The following KMO variants were observed in gnomAD, a reference collection of about 807,000 sequenced individuals.
The protein encoded by KMO is kynurenine 3-monooxygenase.
Under a neutral mutation model 57.8 loss-of-function variants are expected in KMO, and 24 were observed. The observed-to-expected ratio is 0.42, with a 90% CI of 0.30 to 0.58. The LOEUF is 0.58. Among genes scored for constraint, KMO ranks in the 20% least tolerant of loss-of-function variants. The probability of loss-of-function intolerance (pLI) is 0.22; values close to 1 mark genes in which losing one functional copy is unlikely to be tolerated. For synonymous variants in KMO, 210 were observed against 193.6 expected, an observed-to-expected ratio of 1.08 and a Z score of -0.70; for missense variants, 483 against 588.2, an observed-to-expected ratio of 0.82 and a Z score of 1.85.
intron 3 of KMO, 85 bp downstream of exon 3, chr1:241,549,859 T>A: frequency 1.3e-6 from 1 of 791,916 alleles, no homozygotes; most frequent in Non-Finnish European, 2.1e-6. Flanking sequence ...GCTTAAAAAG[T>A]ACCATTTAAT....
intron 4 of KMO, among the ~76,000 whole-genome samples, chr1:241,554,627 C>T (rs72766093): frequency 0.2 from 29,365 of 149,746 alleles, 3,138 homozygotes; most frequent in Middle Eastern, 0.26. Context: ...TTTTACAATA[C>T]GTTTAAGAGT....
intron 1 of KMO, among the ~76,000 whole-genome samples, chr1:241,543,037 ATATTTATACGAGATC>A (rs1661013029): frequency 6.6e-6 from 1 of 152,190 alleles, no homozygotes; most frequent in Non-Finnish European, 1.5e-5. Flanking sequence ...AATTGCGGTC[ATATTTATACGAGATC>A]TATTTCCTTA....
chr1:241,538,947 A>T (rs1482176046), intron 1 of KMO, among the ~76,000 whole-genome samples: 2 of 152,174 alleles, frequency 1.3e-5, no homozygotes, highest in Non-Finnish European at 2.9e-5. Context: ...CCTTCTGTCC[A>T]TATTCACTCA....
rs751749041 is a variant in KMO, at chr1:241,594,480, C to T, written c.*2327C>T. 6.2e-7 allele frequency: 1 copy of T among 1,614,000 alleles called. No individual in the cohort carries two copies. The highest frequency in any genetic ancestry group is 1.7e-5 in the Admixed American group (1 of 59,992). ...AACTTTGGACCCATTGGTTTTGTCG[C>T]TGTCGTCAACTGACAGTGATTCATC... On this transcript the variant is annotated 3_prime_UTR_variant, in exon 15 of 15. Coordinates refer to ENST00000366559, the MANE Select transcript of KMO (RefSeq NM_003679.5).
At chr1:241,560,569 C>A in intron 5 of KMO, 96 bp from the exon 6 acceptor site, 1 of 858,346 alleles carries the variant, frequency 1.2e-6, no homozygotes, top group Non-Finnish European at 2.0e-6. Context: ...AATTCTCTAC[C>A]ATACTGTTCC....
At position 241,568,868 on chromosome 1, in the gene KMO, G is replaced by A. The variant is rs143398525; in HGVS notation, c.957+221G>A. On this transcript the variant is annotated intron_variant, in intron 10 of 14. Coordinates refer to ENST00000366559, the MANE Select transcript of KMO (RefSeq NM_003679.5). Reference sequence around the variant, plus strand: ...AGTAGAAAAAAGCAGAAAGCATAGCGCACTCATCCCTTGGTATCACCAAGG... The same window carrying A: ...AGTAGAAAAAAGCAGAAAGCATAGCACACTCATCCCTTGGTATCACCAAGG... Among the ~76,000 whole-genome samples, 36 of 152,074 alleles carry A rather than the reference G, an allele frequency of 2.4e-4. No individual in the cohort carries two copies. In the East Asian group the frequency reaches 6.0e-3, roughly 25 times the overall value.
chr1:241,559,400 T>G (rs1361334467), intron 5 of KMO, among the ~76,000 whole-genome samples: 5 of 152,046 alleles, frequency 3.3e-5, no homozygotes, highest in Non-Finnish European at 7.4e-5. Flanking sequence ...TACAAAAAAT[T>G]ATTTAGGATG....
intron 4 of KMO, 92 bp downstream of exon 4, chr1:241,551,136 C>CCTAT: frequency 1.4e-6 from 1 of 731,590 alleles, no homozygotes; most frequent in Non-Finnish European, 2.4e-6. Flanking sequence ...TCTCTCCAGC[C>CCTAT]CTATCTCTGA....
intron 8 of KMO, among the ~76,000 whole-genome samples, chr1:241,565,991 G>A (rs1415897390): frequency 6.6e-6 from 1 of 152,124 alleles, no homozygotes; most frequent in African/African-American, 2.4e-5. Flanking sequence ...GATCACCTGA[G>A]GTCAGGAGTT....
chr1:241,581,746 T>C (rs749684474), intron 10 of KMO, among the ~76,000 whole-genome samples: 10 of 152,144 alleles, frequency 6.6e-5, no homozygotes, highest in Non-Finnish European at 1.5e-4. Flanking sequence ...AAAGTTCTTG[T>C]AATTATTATT....
intron 5 of KMO, 66 bp downstream of exon 5, chr1:241,555,726 A>G: frequency 2.1e-6 from 2 of 961,554 alleles, no homozygotes; most frequent in African/African-American, 1.6e-5. Flanking sequence ...ATCTTGTCAT[A>G]TGATTTATTG....
intron 8 of KMO, among the ~76,000 whole-genome samples, chr1:241,565,834 C>T (rs538620128): frequency 6.6e-6 from 1 of 152,124 alleles, no homozygotes; most frequent in Non-Finnish European, 1.5e-5. Flanking sequence ...TGGTATCTGT[C>T]CTGGGGTCCA....
At chr1:241,550,613 AGGAACCCTG>A in intron 3 of KMO, among the ~76,000 whole-genome samples, 1 of 152,326 alleles carries the variant, frequency 6.6e-6, no homozygotes, top group Middle Eastern at 3.4e-3. Flanking sequence ...ATTGAATGTT[AGGAACCCTG>A]GGTTTTACTC....
At chr1:241,585,258 T>C (rs1208396800) in intron 10 of KMO, among the ~76,000 whole-genome samples, 1 of 151,906 alleles carries the variant, frequency 6.6e-6, no homozygotes, top group Non-Finnish European at 1.5e-5. Context: ...TTAAATTAAA[T>C]TAAATTGGAA....
intron 4 of KMO, 82 bp from the exon 5 acceptor site, chr1:241,555,530 G>A (rs1661580247): frequency 1.3e-6 from 1 of 748,032 alleles, no homozygotes; most frequent in Non-Finnish European, 2.3e-6. Context: ...TAATAAATAT[G>A]TTTTATTGCT....
At chr1:241,557,835 C>G (rs578033174) in intron 5 of KMO, among the ~76,000 whole-genome samples, 2 of 152,140 alleles carry the variant, frequency 1.3e-5, no homozygotes, top group Non-Finnish European at 2.9e-5. Flanking sequence ...AAAACAACAA[C>G]AAGAAAACTC....
chr1:241,536,498 A>C (rs562817767), intron 1 of KMO: 2 of 985,550 alleles, frequency 2.0e-6, no homozygotes, highest in African/African-American at 1.7e-5. Flanking sequence ...CAGAGCAAAA[A>C]GGCACCATTT....
intron 10 of KMO, among the ~76,000 whole-genome samples, chr1:241,586,260 G>A (rs1284169126): frequency 6.8e-6 from 1 of 146,514 alleles, no homozygotes; most frequent in Admixed American, 6.9e-5. Context: ...GTGCAGTGGA[G>A]CGATCTCGGC....
chr1:241,564,747 G>T (rs556260628), intron 7 of KMO, among the ~76,000 whole-genome samples: 1 of 151,744 alleles, frequency 6.6e-6, no homozygotes, highest in African/African-American at 2.4e-5. Context: ...ACACACACAC[G>T]CACGTATTCT....
Sources: allele counts gnomAD v4.1 joint callset (sites outside exome capture counted in the v4.1 genomes callset), GRCh38; gene constraint gnomAD v4.1.1; transcripts MANE v1.5; gene names NCBI Gene and HGNC (gene_info 2026-07-23, HGNC 2026-07-21).